PSMA8: variants seen among roughly 807,000 people sequenced by gnomAD.
PSMA8 encodes the protein proteasome subunit alpha-type 8.
In PSMA8, 18 loss-of-function variants were observed where a neutral mutation model predicts 32.4. That is an observed-to-expected ratio of 0.56 (90% CI 0.38 to 0.82). The LOEUF is 0.82. Ranked by LOEUF, PSMA8 falls within the 40% of genes least tolerant of loss-of-function variation. The probability of loss-of-function intolerance (pLI) is 0.00; values close to 1 mark genes in which losing one functional copy is unlikely to be tolerated. For missense variants in PSMA8, 298 were observed against 300.7 expected, an observed-to-expected ratio of 0.99 and a Z score of 0.07; for synonymous variants, 104 against 98.1, an observed-to-expected ratio of 1.06 and a Z score of -0.36.
At chr18:26,146,316 C>G (rs1369279963) in intron 2 of PSMA8, among the ~76,000 whole-genome samples, 3 of 151,752 alleles carry the variant, frequency 2.0e-5, no homozygotes, top group African/African-American at 7.3e-5. Context: ...ATTACTTGAG[C>G]TTAGAAGTTT....
chr18:26,163,211 GTGTATA>G (rs1568062585), intron 4 of PSMA8, among the ~76,000 whole-genome samples: 2 of 94,638 alleles, frequency 2.1e-5, no homozygotes, highest in African/African-American at 6.4e-5. Flanking sequence ...TTATGTGTGT[GTGTATA>G]TATATATATA....
intron 1 of PSMA8, among the ~76,000 whole-genome samples, chr18:26,136,626 TC>T (rs1329354596): frequency 6.6e-6 from 1 of 152,190 alleles, no homozygotes; most frequent in East Asian, 1.9e-4. Flanking sequence ...TCATCTTGGA[TC>T]TTTGTCTTTT....
At chr18:26,179,960 A>G (rs2144346926) in intron 6 of PSMA8, among the ~76,000 whole-genome samples, 1 of 151,168 alleles carries the variant, frequency 6.6e-6, no homozygotes, top group East Asian at 1.9e-4. Flanking sequence ...AAAAAAAAAA[A>G]AGGATTGTTG....
rs145925406 is a variant in PSMA8 at position 26,184,998 on chromosome 18, G to T, written c.660+5868G>T. On this transcript the variant is annotated intron_variant, in intron 6 of 6. Coordinates refer to ENST00000415576, the MANE Select transcript of PSMA8 (RefSeq NM_001025096.2). The stretch of plus-strand genomic sequence containing the variant: ...AGCTATTCAGGGGGCTGAGGCAGGA[G>T]AATCGCTTGAACCGGGAGACAGAGG... 5.4e-3 allele frequency among the ~76,000 whole-genome samples: 781 copies of T among 144,904 alleles called. 34 individuals carry two copies. Among genetic ancestry groups the T allele is most frequent in the African/African-American group, 0.019 (732 of 38,694 alleles).
intron 6 of PSMA8, among the ~76,000 whole-genome samples, chr18:26,186,207 C>G (rs1242558316): frequency 2.1e-5 from 3 of 144,870 alleles, no homozygotes; most frequent in Non-Finnish European, 4.5e-5. Context: ...TGAGATCACG[C>G]CACTGCACTC....
At position 26,133,922 on chromosome 18, in the gene PSMA8, G is replaced by C; in HGVS notation, c.-44G>C. On this transcript the variant is annotated 5_prime_UTR_variant, in exon 1 of 7. Coordinates refer to ENST00000415576, the MANE Select transcript of PSMA8 (RefSeq NM_001025096.2). ...CGGCGGCTCCCCGCTTGCCTCAGCTGCAGCAGCGGGAAGCTCGGTGGCAAG... is the reference window on the plus strand; with the variant it reads ...CGGCGGCTCCCCGCTTGCCTCAGCTCCAGCAGCGGGAAGCTCGGTGGCAAG... The C allele has an allele frequency of 6.6e-7, 1 of 1,524,528 alleles. No individual in the cohort carries two copies. The highest frequency in any genetic ancestry group is 1.1e-5 in the South Asian group (1 of 88,630). 94.4% of individuals were successfully genotyped at this position (1,524,528 alleles called of 1,614,324 possible).
intron 2 of PSMA8, among the ~76,000 whole-genome samples, chr18:26,146,015 A>G (rs2055000115): frequency 6.6e-6 from 1 of 152,152 alleles, no homozygotes; most frequent in South Asian, 2.1e-4. Flanking sequence ...AGCATTTGCT[A>G]TTGTTGCTTT....
At chr18:26,179,711 G>A (rs139763059) in intron 6 of PSMA8, among the ~76,000 whole-genome samples, 48 of 152,206 alleles carry the variant, frequency 3.2e-4, no homozygotes, top group Non-Finnish European at 6.2e-4. Flanking sequence ...GTACAACATA[G>A]TTTGCCAGCT....
At chr18:26,178,039 C>T (rs1365968277) in intron 4 of PSMA8, among the ~76,000 whole-genome samples, 2 of 152,136 alleles carry the variant, frequency 1.3e-5, no homozygotes, top group East Asian at 1.9e-4. Flanking sequence ...CATAGCAAGA[C>T]CCTATCTCTA....
intron 6 of PSMA8, among the ~76,000 whole-genome samples, chr18:26,182,586 A>C (rs1358708466): frequency 6.6e-6 from 1 of 152,236 alleles, no homozygotes; most frequent in Non-Finnish European, 1.5e-5. Context: ...GGACATGTAC[A>C]AGGAAATTAA....
intron 4 of PSMA8, among the ~76,000 whole-genome samples, chr18:26,176,967 T>A (rs2055268914): frequency 6.6e-6 from 1 of 151,970 alleles, no homozygotes; most frequent in Non-Finnish European, 1.5e-5. Flanking sequence ...TACTAAACAG[T>A]TATAACTGAG....
At chr18:26,148,038 C>T (rs886455383) in intron 2 of PSMA8, among the ~76,000 whole-genome samples, 2 of 152,020 alleles carry the variant, frequency 1.3e-5, no homozygotes, top group Non-Finnish European at 1.5e-5. Flanking sequence ...TATTAAAAAC[C>T]TCCCAACAAA....
At chr18:26,158,690 C>A (rs1447103) in intron 4 of PSMA8, among the ~76,000 whole-genome samples, 3 of 152,012 alleles carry the variant, frequency 2.0e-5, no homozygotes. Context: ...TGTGCTAGTA[C>A]GTAGCAATGA....
At chr18:26,154,421 C>G (rs538825864) in intron 3 of PSMA8, among the ~76,000 whole-genome samples, 1 of 152,140 alleles carries the variant, frequency 6.6e-6, no homozygotes, top group East Asian at 1.9e-4. Context: ...ATACAAGGAA[C>G]AGAACATTGT....
chr18:26,156,484 A>G (rs1017789008), intron 3 of PSMA8, among the ~76,000 whole-genome samples: 1 of 152,112 alleles, frequency 6.6e-6, no homozygotes, highest in Non-Finnish European at 1.5e-5. Flanking sequence ...GCCATAAAAA[A>G]GAATGAAATT....
chr18:26,140,897 G>GTT (rs2054950042), intron 1 of PSMA8, among the ~76,000 whole-genome samples: 2 of 152,066 alleles, frequency 1.3e-5, no homozygotes, highest in African/African-American at 4.8e-5. Flanking sequence ...GTGAAACAGA[G>GTT]TTTTTTGTCT....
intron 4 of PSMA8, among the ~76,000 whole-genome samples, chr18:26,175,138 T>G (rs995822563): frequency 4.6e-5 from 7 of 152,240 alleles, no homozygotes; most frequent in Non-Finnish European, 8.8e-5. Flanking sequence ...TAGAGTTTTT[T>G]GCTCATTTCC....
At chr18:26,176,792 G>T (rs2055267084) in intron 4 of PSMA8, among the ~76,000 whole-genome samples, 1 of 152,094 alleles carries the variant, frequency 6.6e-6, no homozygotes, top group Admixed American at 6.5e-5. Context: ...TATTAGCTGG[G>T]CATGGTGGCA....
At chr18:26,153,120 A>ATT (rs996899900) in intron 3 of PSMA8, among the ~76,000 whole-genome samples, 1 of 151,352 alleles carries the variant, frequency 6.6e-6, no homozygotes, top group African/African-American at 2.4e-5. Context: ...GTCTACAACT[A>ATT]TTTTTTTTTA....
Sources: gnomAD v4.1 joint callset for allele counts (sites outside exome capture counted in the v4.1 genomes callset) on GRCh38, gnomAD v4.1.1 for gene constraint, MANE v1.5 for transcripts, NCBI Gene and HGNC (gene_info 2026-07-23, HGNC 2026-07-21) for gene names.